Variants in GALNT18 observed in about 807,000 individuals in gnomAD.
GALNT18 encodes polypeptide N-acetylgalactosaminyltransferase 18, also known as GalNAc-transferase 18.
Under a neutral mutation model 69.5 loss-of-function variants are expected in GALNT18, and 44 were observed. That is an observed-to-expected ratio of 0.63 (90% CI 0.50 to 0.81). GALNT18 has a LOEUF of 0.81. GALNT18 is among the 40% of genes least tolerant of loss of function. The probability of loss-of-function intolerance (pLI) is 0.00; values close to 1 mark genes in which losing one functional copy is unlikely to be tolerated. For synonymous variants in GALNT18, 364 were observed against 318.2 expected, an observed-to-expected ratio of 1.14 and a Z score of -1.53; for missense variants, 715 against 810.0, an observed-to-expected ratio of 0.88 and a Z score of 1.42.
Position 11,465,146 on chromosome 11 carries a change from T to G in GALNT18, c.236-16210A>C, listed in dbSNP as rs1054429340. On this transcript the variant is annotated intron_variant, in intron 1 of 10. Transcript: ENST00000227756. This position sits in a 1 kb window ranked among gnomAD's most constrained non-coding sequence, Gnocchi z 5.7. ...GATCCCACTGGTAACCTGGGCGAGGTGCCTTGGGATGCCTGAGGAAGGTCT... is the reference window on the plus strand; with the variant it reads ...GATCCCACTGGTAACCTGGGCGAGGGGCCTTGGGATGCCTGAGGAAGGTCT... 6.6e-6 allele frequency among the ~76,000 whole-genome samples: 1 copy of G among 152,070 alleles called. No homozygotes were observed. Among genetic ancestry groups the G allele is most frequent in the Non-Finnish European group, 1.5e-5 (1 of 68,026 alleles).
At chr11:11,493,633 C>A (rs1402998441) in intron 1 of GALNT18, among the ~76,000 whole-genome samples, 1 of 152,158 alleles carries the variant, frequency 6.6e-6, no homozygotes, top group Non-Finnish European at 1.5e-5. Flanking sequence ...ATGATGTTAT[C>A]TACGTCTCAA....
chr11:11,360,310 C>T (rs1564909781), intron 6 of GALNT18, among the ~76,000 whole-genome samples: 1 of 152,210 alleles, frequency 6.6e-6, no homozygotes, highest in Non-Finnish European at 1.5e-5. Flanking sequence ...GTGGTTGCTC[C>T]CTTCTGCTGC....
chr11:11,338,141 T>C lies in GALNT18; in HGVS notation c.1278+2678A>G, dbSNP rs1264364212. On this transcript the variant is annotated intron_variant, in intron 7 of 10. Coordinates refer to ENST00000227756, the MANE Select transcript of GALNT18 (RefSeq NM_198516.3). The surrounding 1 kb of genome is among the most constrained non-coding windows in gnomAD (Gnocchi z 5.3). ...TGCCACCAAGCCTGGCTAATTTTTG[T>C]ATTTTTAGTAGAGATGGGGTTTCAC... is the stretch of plus-strand genomic sequence containing the variant. Among the ~76,000 whole-genome samples, 4 of 151,568 alleles carry C rather than the reference T, an allele frequency of 2.6e-5. No individual in the cohort carries two copies. Among genetic ancestry groups the C allele is most frequent in the Non-Finnish European group, 4.4e-5 (3 of 67,752 alleles).
chr11:11,292,610 G>A lies in GALNT18; in HGVS notation c.1677+419C>T, dbSNP rs535508956. Among the ~76,000 whole-genome samples the A allele has an allele frequency of 3.3e-5, 5 of 152,216 alleles. No homozygotes were observed. In the South Asian group the frequency reaches 6.2e-4, roughly 19 times the overall value. On this transcript the variant is annotated intron_variant, in intron 10 of 10. Coordinates refer to ENST00000227756, the MANE Select transcript of GALNT18 (RefSeq NM_198516.3). The stretch of plus-strand genomic sequence containing the variant: ...TCTGGGAGACTGGGGGCTCCATCTC[G>A]TGAGCAGAGGCTTGTATAGGAGAAA...
intron 1 of GALNT18, among the ~76,000 whole-genome samples, chr11:11,487,034 C>T (rs1331915184): frequency 6.6e-6 from 1 of 152,170 alleles, no homozygotes; most frequent in East Asian, 1.9e-4. Flanking sequence ...GTAAATATGC[C>T]CCCAAACTCT....
chr11:11,567,529 C>T (rs367587790), intron 1 of GALNT18, among the ~76,000 whole-genome samples: 53 of 152,168 alleles, frequency 3.5e-4, no homozygotes, highest in African/African-American at 1.2e-3. Flanking sequence ...TTCCAGCTCT[C>T]CTACCCTCCT....
At chr11:11,353,056 C>T in intron 6 of GALNT18, 1 of 1,614,198 alleles carries the variant, frequency 6.2e-7, no homozygotes, top group South Asian at 1.1e-5. Flanking sequence ...TCCCAGTATT[C>T]TCGAGGTCTG....
intron 10 of GALNT18, among the ~76,000 whole-genome samples, chr11:11,279,989 G>A (rs1193584822): frequency 6.6e-6 from 1 of 152,184 alleles, no homozygotes; most frequent in African/African-American, 2.4e-5. Context: ...GGGGGTGCGG[G>A]TGGAGGGGAC....
intron 3 of GALNT18, among the ~76,000 whole-genome samples, chr11:11,409,229 T>C (rs1854670079): frequency 1.3e-5 from 2 of 152,132 alleles, no homozygotes; most frequent in Admixed American, 1.3e-4. Flanking sequence ...CAGGATGCTC[T>C]TCTCCCCAGC....
chr11:11,387,813 T>C lies in GALNT18; in HGVS notation c.596-8549A>G, dbSNP rs1259453566. Among the ~76,000 whole-genome samples, 3 of 152,210 alleles carry C rather than the reference T, an allele frequency of 2.0e-5. No individual in the cohort carries two copies. The highest frequency in any genetic ancestry group is 7.2e-5 in the African/African-American group (3 of 41,456). ...CTCAGATGGTCCTGCTGATGAATGA[T>C]GGTGAGCCTGGCTTGGGCAGCTGGG... On this transcript the variant is annotated intron_variant, in intron 3 of 10. Coordinates refer to ENST00000227756, the MANE Select transcript of GALNT18 (RefSeq NM_198516.3). The surrounding 1 kb of genome is among the most constrained non-coding windows in gnomAD (Gnocchi z 4.6).
intron 9 of GALNT18, among the ~76,000 whole-genome samples, chr11:11,297,870 CATTTT>C (rs1849429551): frequency 6.6e-6 from 1 of 152,242 alleles, no homozygotes; most frequent in African/African-American, 2.4e-5. Flanking sequence ...TCCAGCATTT[CATTTT>C]GATTCTTGCA....
intron 2 of GALNT18, among the ~76,000 whole-genome samples, chr11:11,440,123 G>T (rs936499487): frequency 2.0e-5 from 3 of 152,250 alleles, no homozygotes; most frequent in Non-Finnish European, 2.9e-5. Flanking sequence ...AGAGGCAGAA[G>T]TTCAACCATC....
chr11:11,283,329 G>A (rs1482060636), intron 10 of GALNT18, among the ~76,000 whole-genome samples: 5 of 152,062 alleles, frequency 3.3e-5, no homozygotes, highest in Non-Finnish European at 4.4e-5. Context: ...GTATTTTTAG[G>A]AGAGATGGAG....
Position 11,279,245 on chromosome 11 carries a change from A to G in GALNT18, c.1678-7955T>C, listed in dbSNP as rs547429599. Among the ~76,000 whole-genome samples, 56 of 152,340 alleles carry G rather than the reference A, an allele frequency of 3.7e-4. No homozygotes were observed. The South Asian group carries it at 0.012, about 32-fold the overall frequency. On this transcript the variant is annotated intron_variant, in intron 10 of 10. Coordinates refer to ENST00000227756, the MANE Select transcript of GALNT18 (RefSeq NM_198516.3). The stretch of plus-strand genomic sequence containing the variant: ...AGCTTCCTGTACAGCCTGAAGAATC[A>G]TGAGCCAATTATACCTCTTTTCTTT...
intron 10 of GALNT18, among the ~76,000 whole-genome samples, 165 bp from the exon 11 acceptor site, chr11:11,271,455 T>C (rs1216811686): frequency 1.3e-5 from 2 of 152,138 alleles, no homozygotes; most frequent in African/African-American, 4.8e-5. Flanking sequence ...ACTCATATAT[T>C]AGTCTCCTCT....
At chr11:11,589,268 T>G (rs1480213440) in intron 1 of GALNT18, among the ~76,000 whole-genome samples, 1 of 152,140 alleles carries the variant, frequency 6.6e-6, no homozygotes, top group Non-Finnish European at 1.5e-5. Flanking sequence ...ACTCTAGCAT[T>G]TTTTCAAGAA....
chr11:11,356,255 G>A lies in GALNT18; in HGVS notation c.1093-15251C>T, dbSNP rs1439196391. ...GAGGAGGAGAAGGAACCCTTGCTCA[G>A]TTTGTGGCAGTTCTTCTGAGGAAAT... On this transcript the variant is annotated intron_variant, in intron 6 of 10. Transcript: ENST00000227756. The surrounding 1 kb of genome is among the most constrained non-coding windows in gnomAD (Gnocchi z 4.4). Among the ~76,000 whole-genome samples the A allele has an allele frequency of 1.3e-5, 2 of 152,188 alleles. No individual in the cohort carries two copies. The highest frequency in any genetic ancestry group is 3.9e-4 in the East Asian group (2 of 5,188).
At chr11:11,445,979 C>T (rs995887449) in intron 2 of GALNT18, among the ~76,000 whole-genome samples, 6 of 152,102 alleles carry the variant, frequency 3.9e-5, no homozygotes, top group Admixed American at 2.0e-4. Context: ...GTGGGTGGGG[C>T]GCTTCTCTCA....
chr11:11,527,410 G>T (rs762740291), intron 1 of GALNT18, among the ~76,000 whole-genome samples: 2 of 152,066 alleles, frequency 1.3e-5, no homozygotes, highest in Non-Finnish European at 2.9e-5. Flanking sequence ...AGCTCATTCC[G>T]GTACAAAACA....
Sources: gnomAD v4.1 joint callset for allele counts (sites outside exome capture counted in the v4.1 genomes callset) on GRCh38, gnomAD v4.1.1 for gene constraint, Gnocchi (gnomAD v3.1) non-coding constraint, MANE v1.5 for transcripts, NCBI Gene and HGNC (gene_info 2026-07-23, HGNC 2026-07-21) for gene names.